DIAPH1: variants seen among roughly 807,000 people sequenced by gnomAD.
DIAPH1 encodes diaphanous related formin 1.
Under a neutral mutation model 140.7 loss-of-function variants are expected in DIAPH1, and 46 were observed. That is an observed-to-expected ratio of 0.33 (90% CI 0.26 to 0.42). The LOEUF (loss-of-function observed/expected upper bound fraction) is 0.42. DIAPH1 is among the 10% of genes least tolerant of loss of function. The pLI, the probability that DIAPH1 is intolerant of heterozygous loss-of-function variation, is 1.00. For synonymous variants in DIAPH1, 565 were observed against 551.6 expected (o/e 1.02, Z -0.34); for missense variants, 1,310 against 1,558.7 (o/e 0.84, Z 2.69).
chr5:141,586,567 G>A (rs368496919), intron 3 of DIAPH1, among the ~76,000 whole-genome samples: 15 of 152,338 alleles, frequency 9.8e-5, no homozygotes, highest in African/African-American at 3.6e-4. Context: ...GCTGACTTCA[G>A]ACACAATCTT....
At position 141,528,806 on chromosome 5, in the gene DIAPH1, T is replaced by C; in HGVS notation, c.2914A>G (p.Ser972Gly). Residue 972 changes from serine to glycine, a missense_variant, in exon 22 of 28, where the codon AGC becomes GGC. Coordinates refer to ENST00000389054, the MANE Select transcript of DIAPH1 (RefSeq NM_005219.5). The stretch of plus-strand genomic sequence containing the variant: ...GTAATCTCTAGGAGATTGGAAAAGC[T>C]CTCACTCTTACGTAACTCCTCACAT... ...AACEELRKSE[S>G]FSNLLEITLL... 6.2e-7 allele frequency: 1 copy of C among 1,614,218 alleles called. No homozygotes were observed. Among genetic ancestry groups the C allele is most frequent in the African/African-American group, 1.3e-5 (1 of 75,048 alleles).
At chr5:141,581,181 CA>C (rs2099896695) in intron 7 of DIAPH1, among the ~76,000 whole-genome samples, 1 of 152,100 alleles carries the variant, frequency 6.6e-6, no homozygotes, top group African/African-American at 2.4e-5. Flanking sequence ...ACCATGTGAT[CA>C]CATAGGCAGA....
At chr5:141,580,531 T>C (rs1422970011) in intron 8 of DIAPH1, among the ~76,000 whole-genome samples, 1 of 152,154 alleles carries the variant, frequency 6.6e-6, no homozygotes, top group Non-Finnish European at 1.5e-5. Flanking sequence ...CATTTTGCTA[T>C]ACCTCTGATG....
intron 18 of DIAPH1, among the ~76,000 whole-genome samples, chr5:141,568,576 G>C (rs927411658): frequency 6.6e-6 from 1 of 152,120 alleles, no homozygotes; most frequent in African/African-American, 2.4e-5. Context: ...TAATATTCTA[G>C]GACCAGTTCC....
At chr5:141,556,937 C>T (rs942577798) in intron 18 of DIAPH1, among the ~76,000 whole-genome samples, 4 of 152,168 alleles carry the variant, frequency 2.6e-5, no homozygotes, top group Non-Finnish European at 4.4e-5. Context: ...TCACGTGATC[C>T]GCCCGCCTCG....
intron 1 of DIAPH1, among the ~76,000 whole-genome samples, chr5:141,615,018 G>C (rs999694819): frequency 1.3e-5 from 2 of 152,180 alleles, no homozygotes; most frequent in Non-Finnish European, 2.9e-5. Flanking sequence ...TTGGACAGGA[G>C]TCTACTACTA....
chr5:141,574,307 T>C, intron 15 of DIAPH1, 99 bp from the exon 16 acceptor site: 1 of 1,235,606 alleles, frequency 8.1e-7, no homozygotes. Context: ...ACTTCTCATG[T>C]TACAAATGGA....
intron 19 of DIAPH1, among the ~76,000 whole-genome samples, chr5:141,531,071 TTTA>T (rs1267898988): frequency 1.3e-5 from 2 of 152,184 alleles, no homozygotes; most frequent in African/African-American, 4.8e-5. Context: ...ACGACTCTGA[TTTA>T]TTCCATAACC....
chr5:141,528,799 G>C lies in DIAPH1; in HGVS notation c.2921C>G (p.Ser974Cys), dbSNP rs2154595004. The change falls in exon 22 of 28, where the codon TCC (serine) becomes TGC (cysteine). Residue 974 changes from serine to cysteine, a missense_variant. Physicochemically the swap from Ser to Cys is moderately radical, Grantham distance 112. This residue lies in a region of DIAPH1 where 344 missense variants were observed against 512.2 expected (regional missense o/e 0.67). Transcript: ENST00000389054. ...CEELRKSESF[S>C]NLLEITLLVG... ...AAGCAAGGTAATCTCTAGGAGATTG[G>C]AAAAGCTCTCACTCTTACGTAACTC... 1.9e-6 allele frequency: 3 copies of C among 1,614,216 alleles called. No individual in the cohort carries two copies. The highest frequency in any genetic ancestry group is 2.2e-5 in the East Asian group (1 of 44,890).
At chr5:141,571,556 T>TA (rs1258509980) in intron 17 of DIAPH1, 120 bp from the exon 18 acceptor site, 3 of 853,356 alleles carry the variant, frequency 3.5e-6, no homozygotes, top group African/African-American at 3.4e-5. Flanking sequence ...CCCAAACTGT[T>TA]AAAGACTCTT....
chr5:141,552,030 C>T (rs1445958288), intron 18 of DIAPH1, among the ~76,000 whole-genome samples: 2 of 152,122 alleles, frequency 1.3e-5, no homozygotes, highest in African/African-American at 4.8e-5. Flanking sequence ...GAATAATGGT[C>T]CTCCAAAGAT....
intron 18 of DIAPH1, among the ~76,000 whole-genome samples, chr5:141,550,147 A>T (rs547772633): frequency 8.0e-5 from 12 of 149,790 alleles, no homozygotes; most frequent in South Asian, 4.2e-4. Context: ...TATACTGATT[A>T]AAAAAAAAAG....
intron 1 of DIAPH1, among the ~76,000 whole-genome samples, chr5:141,612,882 T>C (rs2154597384): frequency 6.6e-6 from 1 of 152,326 alleles, no homozygotes; most frequent in East Asian, 1.9e-4. Flanking sequence ...TACCAACGTA[T>C]GCTCTTTGGT....
chr5:141,549,484 C>G (rs1206705680), intron 18 of DIAPH1, among the ~76,000 whole-genome samples: 1 of 152,088 alleles, frequency 6.6e-6, no homozygotes, highest in Admixed American at 6.6e-5. Flanking sequence ...ACTAATAAAA[C>G]AAGCAGATAA....
In DIAPH1 at chr5:141,527,604, T is replaced by A; in HGVS notation, c.3242A>T (p.Asp1081Val). 1 of 1,613,214 alleles carries A rather than the reference T, an allele frequency of 6.2e-7. No homozygotes were observed. Among genetic ancestry groups the A allele is most frequent in the Non-Finnish European group, 8.5e-7 (1 of 1,179,844 alleles). The change falls in exon 24 of 28, where the codon GAT (aspartate) becomes GTT (valine). Residue 1081 changes from aspartate (D) to valine (V), a missense_variant. Asp to Val is a radical substitution (Grantham distance 152). Transcript: ENST00000389054. ...TTTTTCAACAAACTTGTCTTTTTCA[T>A]CTGTGGCAGCTGGGAAATTCTGAAC... ...RDVQNFPAAT[D>V]EKDKFVEKMT...
In DIAPH1 at chr5:141,573,554, C is replaced by T. The variant is rs769148092; in HGVS notation, c.2296G>A (p.Gly766Arg). The change falls in exon 16 of 28, where the codon GGA becomes AGA. Residue 766 changes from glycine to arginine, a missense_variant. By Grantham distance (125) the Gly-to-Arg change is moderately radical. Transcript: ENST00000389054. ...GVPAAPVLPF[G>R]LTPKKLYKPE... ...TTATAAAGCTTTTTGGGGGTTAATC[C>T]AAATGGCAGAACTGGGGCTGCAGGA... 1.9e-6 allele frequency: 3 copies of T among 1,613,440 alleles called. No individual in the cohort carries two copies. Among genetic ancestry groups the T allele is most frequent in the Admixed American group, 3.3e-5 (2 of 59,950 alleles).
intron 4 of DIAPH1, 71 bp from the exon 5 acceptor site, chr5:141,583,686 A>G (rs2099897106): frequency 6.4e-7 from 1 of 1,573,294 alleles, no homozygotes; most frequent in East Asian, 2.2e-5. Context: ...GTATTAGTCA[A>G]TAGAGTTTAT....
At chr5:141,579,018 AG>A in intron 9 of DIAPH1, 69 bp downstream of exon 9, 2 of 1,157,560 alleles carry the variant, frequency 1.7e-6, no homozygotes, top group Non-Finnish European at 2.6e-6. Flanking sequence ...TTTTATTAAA[AG>A]GTCAAATGAA....
intron 1 of DIAPH1, among the ~76,000 whole-genome samples, chr5:141,601,977 A>T (rs990576681): frequency 2.0e-5 from 3 of 152,232 alleles, no homozygotes; most frequent in Admixed American, 1.3e-4. Flanking sequence ...AAAATGGGAA[A>T]TAAGTATCAC....
Sources: allele counts gnomAD v4.1 joint callset (sites outside exome capture counted in the v4.1 genomes callset), GRCh38; gene constraint gnomAD v4.1.1; regional missense constraint gnomAD v4.1.1; transcripts MANE v1.5; gene names NCBI Gene and HGNC (gene_info 2026-07-23, HGNC 2026-07-21).